The following BMAL2 variants were observed in gnomAD, a reference collection of about 807,000 sequenced individuals.
BMAL2 encodes the protein basic helix-loop-helix ARNT-like protein 2.
At chr12:27,380,188 G>A in the BMAL2 span, 9 of 1,546,502 alleles carry the variant, frequency 5.8e-6, no homozygotes, top group East Asian at 6.8e-5. Flanking sequence ...TGAGCAACAC[G>A]GGGGTGACTG....
At chr12:27,385,051 C>T in the BMAL2 span, among the ~76,000 whole-genome samples, 1 of 152,278 alleles carries the variant, frequency 6.6e-6, no homozygotes, top group South Asian at 2.1e-4. Flanking sequence ...TAGTGGCTCA[C>T]TCCTGTAATC....
At chr12:27,386,120 T>G in the BMAL2 span, among the ~76,000 whole-genome samples, 3 of 152,100 alleles carry the variant, frequency 2.0e-5, no homozygotes, top group Admixed American at 2.0e-4. Flanking sequence ...AATAGAAGGA[T>G]TCTTCATACA....
At chr12:27,381,846 T>C in the BMAL2 span, among the ~76,000 whole-genome samples, 25 of 152,260 alleles carry the variant, frequency 1.6e-4, no homozygotes, top group East Asian at 4.8e-3. Flanking sequence ...TTCAGATTTG[T>C]AAAGATCTAG....
the BMAL2 span, among the ~76,000 whole-genome samples, chr12:27,346,747 A>G: frequency 6.6e-6 from 1 of 152,186 alleles, no homozygotes; most frequent in African/African-American, 2.4e-5. Flanking sequence ...TCAAAACCAT[A>G]GGTGTGTAGT....
chr12:27,402,251 G>GT, the BMAL2 span, among the ~76,000 whole-genome samples: 1 of 151,758 alleles, frequency 6.6e-6, no homozygotes, highest in Non-Finnish European at 1.5e-5. Flanking sequence ...TTGCTGTAAG[G>GT]TTTCCTTGAA....
At chr12:27,422,469 G>C in the BMAL2 span, 1 of 152,176 alleles carries the variant, frequency 6.6e-6, no homozygotes, top group African/African-American at 2.4e-5. Flanking sequence ...AAAAGCAAAT[G>C]TTTCCTTCAA....
the BMAL2 span, among the ~76,000 whole-genome samples, chr12:27,337,799 G>A: frequency 6.6e-6 from 1 of 152,170 alleles, no homozygotes; most frequent in Non-Finnish European, 1.5e-5. Context: ...TAACTTGGAA[G>A]GTTGTTTTGG....
chr12:27,410,295 C>T, the BMAL2 span, among the ~76,000 whole-genome samples: 14 of 152,194 alleles, frequency 9.2e-5, no homozygotes, highest in Non-Finnish European at 1.6e-4. Flanking sequence ...CACATACACA[C>T]GTATGTTTAT....
At chr12:27,333,030 C>G in the BMAL2 span, 4 of 1,190,012 alleles carry the variant, frequency 3.4e-6, no homozygotes, top group Non-Finnish European at 4.2e-6. Context: ...CTCCTCCATG[C>G]TGCCAGCCGC....
chr12:27,376,603 T>C, the BMAL2 span, among the ~76,000 whole-genome samples: 1 of 152,146 alleles, frequency 6.6e-6, no homozygotes, highest in South Asian at 2.1e-4. Context: ...AACTTTCTCT[T>C]AGAATAGCTT....
the BMAL2 span, among the ~76,000 whole-genome samples, chr12:27,358,625 G>A: frequency 6.6e-6 from 1 of 152,138 alleles, no homozygotes; most frequent in East Asian, 1.9e-4. Context: ...GTGTTCAGAT[G>A]TTACTCCCTT....
At chr12:27,333,347 G>T in the BMAL2 span, among the ~76,000 whole-genome samples, 3 of 152,002 alleles carry the variant, frequency 2.0e-5, no homozygotes, top group African/African-American at 7.2e-5. Flanking sequence ...AGCTGGGGTC[G>T]CCGCCGGCGC....
chr12:27,405,265 C>A, the BMAL2 span, among the ~76,000 whole-genome samples: 2 of 152,030 alleles, frequency 1.3e-5, no homozygotes, highest in African/African-American at 4.8e-5. Context: ...TCTCCCAGCA[C>A]ACAGCTGGAG....
chr12:27,368,244 G>A, the BMAL2 span: 1 of 1,613,252 alleles, frequency 6.2e-7, no homozygotes, highest in Non-Finnish European at 8.5e-7. Flanking sequence ...ATGTCTTGTT[G>A]TACTCTGCTG....
the BMAL2 span, among the ~76,000 whole-genome samples, chr12:27,415,682 T>C: frequency 5.9e-5 from 9 of 152,170 alleles, no homozygotes; most frequent in African/African-American, 1.9e-4. Context: ...ATGGAGTGTT[T>C]TTCAGCATTC....
chr12:27,403,758 A>G, the BMAL2 span, among the ~76,000 whole-genome samples: 1 of 152,184 alleles, frequency 6.6e-6, no homozygotes, highest in Non-Finnish European at 1.5e-5. Flanking sequence ...ATATATAAAA[A>G]GATAACTCAT....
the BMAL2 span, chr12:27,400,535 G>A: frequency 1.3e-6 from 2 of 1,560,274 alleles, no homozygotes; most frequent in Non-Finnish European, 1.7e-6. Flanking sequence ...TTGAATTAGA[G>A]CACAGAAAAT....
chr12:27,423,410 A>G, the BMAL2 span: 2 of 134,628 alleles, frequency 1.5e-5, no homozygotes, highest in African/African-American at 5.7e-5. Flanking sequence ...GCTCACTGCC[A>G]TCTCTGCCTC....
At chr12:27,363,347 A>G in the BMAL2 span, among the ~76,000 whole-genome samples, 1 of 152,206 alleles carries the variant, frequency 6.6e-6, no homozygotes, top group Non-Finnish European at 1.5e-5. Context: ...TAGGAGGGGA[A>G]TGCCAAGTCA....
Sources: gnomAD v4.1 joint callset for allele counts (sites outside exome capture counted in the v4.1 genomes callset) on GRCh38, gnomAD v4.1.1 for gene constraint, MANE v1.5 for transcripts, NCBI Gene and HGNC (gene_info 2026-07-23, HGNC 2026-07-21) for gene names.